The following PBRM1 variants were observed in gnomAD, a reference collection of about 807,000 sequenced individuals.
PBRM1 encodes the protein polybromo 1.
Under a neutral mutation model 194.5 loss-of-function variants are expected in PBRM1, and 27 were observed. The observed-to-expected ratio is 0.14, with a 90% CI of 0.10 to 0.19. The LOEUF (loss-of-function observed/expected upper bound fraction) is 0.19. PBRM1 is among the 10% of genes least tolerant of loss of function. The probability of loss-of-function intolerance (pLI) is 1.00; values close to 1 mark genes in which losing one functional copy is unlikely to be tolerated. For missense variants in PBRM1, 1,466 were observed against 2,077.2 expected (o/e 0.71, Z 5.72); for synonymous variants, 655 against 693.2 (o/e 0.94, Z 0.87).
At chr3:52,576,404 G>C (rs1207427152) in intron 22 of PBRM1, 137 bp downstream of exon 24, 2 of 528,076 alleles carry the variant, frequency 3.8e-6, no homozygotes, top group Non-Finnish European at 6.4e-6. Flanking sequence ...CCCAATCTCT[G>C]CCCCAACATA....
Position 52,637,773 on chromosome 3 carries a change from C to CAAAAAAAAAAAAAAAAAAAAAAAAAA in PBRM1, c.1088-2959_1088-2958insTTTTTTTTTTTTTTTTTTTTTTTTTT, listed in dbSNP as rs755241328. Among the ~76,000 whole-genome samples the CAAAAAAAAAAAAAAAAAAAAAAAAAA allele has an allele frequency of 7.3e-4, 31 of 42,226 alleles. 2 individuals carry two copies. The highest frequency in any genetic ancestry group is 1.1e-3 in the Non-Finnish European group (21 of 18,908). 27.7% of individuals were successfully genotyped at this position (42,226 alleles called of 152,430 possible). On this transcript the variant is annotated intron_variant, in intron 10 of 29. Coordinates refer to ENST00000296302, the Ensembl canonical transcript of PBRM1. ...CAAAACCATGTCTCTACTAAAAATA[C>CAAAAAAAAAAAAAAAAAAAAAAAAAA]AAAAAAAAAAAAAAAAAAAAAAAAT...
intron 22 of PBRM1, 27 bp downstream of exon 24, chr3:52,576,514 A>G (rs888969351): frequency 2.5e-6 from 4 of 1,569,592 alleles, no homozygotes; most frequent in Non-Finnish European, 3.5e-6. Flanking sequence ...AATAAACACG[A>G]TTAAATAAAA....
chr3:52,629,284 AC>A (rs1374070469), intron 11 of PBRM1, among the ~76,000 whole-genome samples: 1 of 152,224 alleles, frequency 6.6e-6, no homozygotes, highest in Non-Finnish European at 1.5e-5. Flanking sequence ...TAATAATAAG[AC>A]CTAGTAAAGA....
chr3:52,626,170 A>G (rs2095441382), intron 13 of PBRM1, among the ~76,000 whole-genome samples: 1 of 152,120 alleles, frequency 6.6e-6, no homozygotes, highest in African/African-American at 2.4e-5. Context: ...TCTTGATTTG[A>G]TGTCTTTGAT....
At chr3:52,615,352 C>G in exon 15 of PBRM1, 1 of 1,582,108 alleles carries the variant, frequency 6.3e-7, no homozygotes, top group Non-Finnish European at 8.7e-7. Context: ...CTGCCTTACT[C>G]AGCTTGAGTT....
intron 13 of PBRM1, among the ~76,000 whole-genome samples, chr3:52,617,942 C>G (rs1215977908): frequency 6.6e-6 from 1 of 152,042 alleles, no homozygotes; most frequent in Non-Finnish European, 1.5e-5. Flanking sequence ...TCCTCACTTC[C>G]AAGTACAAAA....
intron 5 of PBRM1, among the ~76,000 whole-genome samples, chr3:52,657,083 G>A (rs914697416): frequency 2.6e-5 from 4 of 152,270 alleles, no homozygotes; most frequent in South Asian, 2.1e-4. Flanking sequence ...CTTCTATGAC[G>A]TACCTAGAAT....
intron 13 of PBRM1, among the ~76,000 whole-genome samples, chr3:52,623,652 C>T (rs1393821798): frequency 2.6e-5 from 4 of 152,284 alleles, no homozygotes; most frequent in South Asian, 2.1e-4. Context: ...TGCATCCAGA[C>T]CCAGTTCTAA....
At chr3:52,548,752 C>A (rs887395866) in intron 29 of PBRM1, among the ~76,000 whole-genome samples, 2 of 151,982 alleles carry the variant, frequency 1.3e-5, no homozygotes. Context: ...GTAGGCATCC[C>A]TGATATTTAA....
chr3:52,576,784 T>A (rs2153662906), intron 21 of PBRM1, 86 bp from the exon 24 acceptor site: 1 of 954,904 alleles, frequency 1.0e-6, no homozygotes. Context: ...ACCAAAAACT[T>A]AGTAATGTGT....
At chr3:52,562,277 A>G (rs2083775129) in intron 24 of PBRM1, among the ~76,000 whole-genome samples, 1 of 151,662 alleles carries the variant, frequency 6.6e-6, no homozygotes, top group Non-Finnish European at 1.5e-5. Context: ...CATTAAGCCA[A>G]GACGGCGCCA....
At chr3:52,673,881 T>C (rs1410918141) in intron 2 of PBRM1, among the ~76,000 whole-genome samples, 2 of 150,376 alleles carry the variant, frequency 1.3e-5, no homozygotes, top group East Asian at 2.0e-4. Flanking sequence ...TGAAACCCTA[T>C]CTCTACTAAA....
At chr3:52,610,908 T>C (rs542935161) in intron 15 of PBRM1, among the ~76,000 whole-genome samples, 12 of 152,150 alleles carry the variant, frequency 7.9e-5, no homozygotes, top group Admixed American at 7.9e-4. Context: ...CATTACACTC[T>C]AGCCTGGGCG....
intron 10 of PBRM1, among the ~76,000 whole-genome samples, chr3:52,637,080 A>C (rs1444954516): frequency 6.6e-6 from 1 of 152,110 alleles, no homozygotes; most frequent in South Asian, 2.1e-4. Context: ...ATTTGAAACT[A>C]GTCTTTTCTG....
At chr3:52,620,664 A>G (rs1002750294) in intron 13 of PBRM1, among the ~76,000 whole-genome samples, 2 of 152,230 alleles carry the variant, frequency 1.3e-5, no homozygotes, top group Non-Finnish European at 2.9e-5. Flanking sequence ...TAATTCTGAT[A>G]CTTGGCAGCT....
upstream of PBRM1, among the ~76,000 whole-genome samples, chr3:52,680,655 C>T (rs1280197148): frequency 1.3e-5 from 2 of 151,076 alleles, no homozygotes; most frequent in East Asian, 1.9e-4. Flanking sequence ...AGGCCTTTTT[C>T]TTTCTTTCTT....
intron 2 of PBRM1, among the ~76,000 whole-genome samples, chr3:52,674,681 C>T (rs1295028397): frequency 1.4e-5 from 2 of 144,294 alleles, no homozygotes; most frequent in Non-Finnish European, 3.0e-5. Flanking sequence ...CACACACACA[C>T]ATATATCTCC....
exon 18 of PBRM1, chr3:52,589,169 T>C (rs2092761931): frequency 6.2e-7 from 1 of 1,611,750 alleles, no homozygotes; most frequent in Admixed American, 1.7e-5. Context: ...TGGTACATGC[T>C]GTTTTTAAAG....
At chr3:52,663,989 G>A (rs2153951736) in intron 3 of PBRM1, among the ~76,000 whole-genome samples, 1 of 151,910 alleles carries the variant, frequency 6.6e-6, no homozygotes, top group African/African-American at 2.4e-5. Context: ...GAACCGGGGA[G>A]GCGGAGCTTG....
Sources: allele counts gnomAD v4.1 joint callset (sites outside exome capture counted in the v4.1 genomes callset), GRCh38; gene constraint gnomAD v4.1.1; transcripts MANE v1.5; gene names NCBI Gene and HGNC (gene_info 2026-07-23, HGNC 2026-07-21).